FSIP2: variants seen among roughly 807,000 people sequenced by gnomAD.
FSIP2 encodes fibrous sheath interacting protein 2.
Under a neutral mutation model 510.5 loss-of-function variants are expected in FSIP2, and 367 were observed. The ratio of observed to expected loss-of-function variants is 0.72; its 90% CI spans 0.66 to 0.78. The LOEUF (loss-of-function observed/expected upper bound fraction) is 0.78, where lower values mean the gene tolerates loss of function less well. Ranked by LOEUF, FSIP2 falls within the 30% of genes least tolerant of loss-of-function variation. The probability of loss-of-function intolerance (pLI) is 0.00; values close to 1 mark genes in which losing one functional copy is unlikely to be tolerated. For missense variants in FSIP2, 7,594 were observed against 7,901.7 expected (o/e 0.96, Z 1.48); for synonymous variants, 2,601 against 2,732.2 (o/e 0.95, Z 1.50).
chr2:185,792,904 C>A lies in FSIP2; in HGVS notation c.5768C>A (p.Ala1923Glu), dbSNP rs1378270939. The change falls in exon 16 of 23, where the codon GCA becomes GAA. Residue 1923 changes from alanine to glutamate, a missense_variant. Physicochemically the swap from Ala to Glu is moderately radical, Grantham distance 107. Transcript: ENST00000424728. Reference protein sequence around the residue: ...KVNLAEDIVQAILTNLETFAT... With the variant: ...KVNLAEDIVQEILTNLETFAT... ...AATCTAGCTGAAGATATTGTACAGG[C>A]AATATTAACAAATTTAGAAACTTTT... 1.3e-6 allele frequency: 2 copies of A among 1,533,866 alleles called. No individual in the cohort carries two copies. The highest frequency in any genetic ancestry group is 1.7e-6 in the Non-Finnish European group (2 of 1,145,380).
rs1171692599 is a variant in FSIP2 at position 185,797,273 on chromosome 2, A to C, written c.10137A>C (p.Lys3379Asn). ...EVSGGQKDNE[K>N]SLLRMQDKKI... ...CTGGAGGGCAAAAGGATAACGAAAA[A>C]AGTTTGCTTAGAATGCAGGATAAAA... is the stretch of plus-strand genomic sequence containing the variant. The change falls in exon 16 of 23, where the codon AAA becomes AAC. Residue 3379 changes from lysine (K) to asparagine (N), a missense_variant. Physicochemically the swap from Lys to Asn is moderately conservative, Grantham distance 94. Coordinates refer to ENST00000424728, the MANE Select transcript of FSIP2 (RefSeq NM_173651.4). 1 of 1,534,334 alleles carries C rather than the reference A, an allele frequency of 6.5e-7. No homozygotes were observed. The highest frequency in any genetic ancestry group is 8.7e-7 in the Non-Finnish European group (1 of 1,146,084).
At chr2:185,744,824 G>A (rs933255883) in intron 4 of FSIP2, 9 of 152,750 alleles carry the variant, frequency 5.9e-5, no homozygotes, top group Non-Finnish European at 1.2e-4. Context: ...TACACTCTGT[G>A]TTTGTACTCA....
At chr2:185,756,129 C>T (rs565639916) in intron 8 of FSIP2, 63 bp from the exon 9 acceptor site, 2 of 599,666 alleles carry the variant, frequency 3.3e-6, no homozygotes, top group Admixed American at 6.3e-5. Context: ...GATAAGTAGT[C>T]TATCTTGGGT....
Position 185,800,508 on chromosome 2 carries a change from A to G in FSIP2, c.11202A>G (p.Gln3734=). The change falls in exon 17 of 23, where the codon CAA becomes CAG. Residue 3734 remains glutamine, a synonymous_variant. Coordinates refer to ENST00000424728, the MANE Select transcript of FSIP2 (RefSeq NM_173651.4). ...ATTTCTACTCCTCGAATAATGAGCA[A>G]CCTAATAGCATACTTACCAATAACC... The part of the protein sequence containing the change: ...RTYFYSSNNE[Q]PNSILTNNLQ... 2 of 1,533,014 alleles carry G rather than the reference A, an allele frequency of 1.3e-6. No individual in the cohort carries two copies. The highest frequency in any genetic ancestry group is 1.7e-6 in the Non-Finnish European group (2 of 1,145,326). The allele number at this position is 1,533,014 out of a possible 1,614,324, so 95.0% of individuals were successfully genotyped here. A position where few individuals can be genotyped will look rare whatever the true frequency, so the allele number is the denominator to read the frequency against.
rs1219459815 is a variant in FSIP2, at chr2:185,738,847, A to G, written c.-48A>G. On this transcript the variant is annotated 5_prime_UTR_variant, in exon 1 of 23. Transcript: ENST00000424728. ...ACAGAGGGACAACGGGGTGCTAGAG[A>G]AGGAGAGCGGGGCGGGTGAGGAAGG... is the stretch of plus-strand genomic sequence containing the variant. The G allele has an allele frequency of 6.5e-7, 1 of 1,534,156 alleles. No homozygotes were observed. The highest frequency in any genetic ancestry group is 2.5e-5 in the East Asian group (1 of 40,816).
At chr2:185,738,048 TAAAAG>T (rs756469615), upstream of FSIP2, 22 of 155,730 alleles carry the variant, frequency 1.4e-4, no homozygotes, top group Non-Finnish European at 3.0e-4. Flanking sequence ...GGGCCAGAAA[TAAAAG>T]AGAACAGCAG....
At chr2:185,785,531 A>G (rs533622231) in intron 14 of FSIP2, among the ~76,000 whole-genome samples, 1 of 152,060 alleles carries the variant, frequency 6.6e-6, no homozygotes, top group South Asian at 2.1e-4. Context: ...ATCAGCAAAA[A>G]TATACAAAAA....
At chr2:185,815,773 A>G (rs1693814609) in intron 19 of FSIP2, among the ~76,000 whole-genome samples, 1 of 152,028 alleles carries the variant, frequency 6.6e-6, no homozygotes, top group African/African-American at 2.4e-5. Flanking sequence ...GAGAGAGGTA[A>G]TGGCCCAGAA....
chr2:185,793,508 T>A lies in FSIP2; in HGVS notation c.6372T>A (p.Asp2124Glu). The change falls in exon 16 of 23, where the codon GAT becomes GAA. Residue 2124 changes from aspartate (D) to glutamate (E), a missense_variant. Transcript: ENST00000424728. ...ATPTLKCSIA[D>E]KHSEENSEMF... ...CCACTCTGAAATGTAGCATAGCTGA[T>A]AAACATTCAGAAGAAAATTCTGAAA... 3 of 1,534,446 alleles carry A rather than the reference T, an allele frequency of 2.0e-6. No individual in the cohort carries two copies. Among genetic ancestry groups the A allele is most frequent in the Non-Finnish European group, 2.6e-6 (3 of 1,145,672 alleles).
At chr2:185,831,931 C>A in intron 22 of FSIP2, 49 bp downstream of exon 22, 4 of 1,130,744 alleles carry the variant, frequency 3.5e-6, no homozygotes, top group Non-Finnish European at 5.4e-6. Flanking sequence ...CTGTCAATTG[C>A]ATCATTTTGA....
rs1213005393 is a variant in FSIP2 at position 185,800,882 on chromosome 2, T to C, written c.11576T>C (p.Ile3859Thr). Residue 3859 changes from isoleucine (I) to threonine (T), a missense_variant, in exon 17 of 23, where the codon ATA (isoleucine) becomes ACA (threonine). Transcript: ENST00000424728. ...KSLMDKLSHS[I>T]QQAPESLPFA... ...TTGATGGACAAATTATCTCACAGCA[T>C]ACAACAAGCTCCGGAAAGTCTACCT... 2 of 1,534,030 alleles carry C rather than the reference T, an allele frequency of 1.3e-6. No individual in the cohort carries two copies. The highest frequency in any genetic ancestry group is 2.4e-5 in the East Asian group (1 of 40,844).
Position 185,806,251 on chromosome 2 carries a change from A to AC in FSIP2, c.16945_16946insC (p.Ile5649ThrfsTer7). ...TACAACAGATACTTTGGAAATAAGA[A>AC]TTCGAACATCAAGCAATGAGGGGAG... On this transcript the variant is annotated frameshift_variant, in exon 17 of 23. Coordinates refer to ENST00000424728, the MANE Select transcript of FSIP2 (RefSeq NM_173651.4). LOFTEE classifies it high-confidence loss of function. 5.0e-6 allele frequency: 8 copies of AC among 1,610,200 alleles called. No homozygotes were observed. The highest frequency in any genetic ancestry group is 5.9e-6 in the Non-Finnish European group (7 of 1,177,964).
chr2:185,806,856 T>G lies in FSIP2; in HGVS notation c.17550T>G (p.Asp5850Glu). The change falls in exon 17 of 23, where the codon GAT becomes GAG. Residue 5850 changes from aspartate to glutamate, a missense_variant. Asp to Glu is a conservative substitution (Grantham distance 45). Coordinates refer to ENST00000424728, the MANE Select transcript of FSIP2 (RefSeq NM_173651.4). ...CTCAAATTAAGGTTTTCAGGCCAGA[T>G]AAGGGAAATCAGTTCCCTGGGGGTA... is the stretch of plus-strand genomic sequence containing the variant. ...SDAQIKVFRP[D>E]KGNQFPGGKV... The G allele has an allele frequency of 6.2e-7, 1 of 1,609,176 alleles. No individual in the cohort carries two copies. The highest frequency in any genetic ancestry group is 8.5e-7 in the Non-Finnish European group (1 of 1,178,080).
Position 185,800,930 on chromosome 2 carries a change from A to G in FSIP2, c.11624A>G (p.Tyr3875Cys). ...SLPFANKHLN[Y>C]RTREIQSSFI... is the part of the protein sequence containing the mutation. ...CCTTTTGCAAATAAGCATTTGAACT[A>G]CAGAACAAGAGAAATACAGTCTAGT... The change falls in exon 17 of 23, where the codon TAC becomes TGC. Residue 3875 changes from tyrosine (Y) to cysteine (C), a missense_variant. Transcript: ENST00000424728. 1 of 1,532,010 alleles carries G rather than the reference A, an allele frequency of 6.5e-7. No homozygotes were observed. The highest frequency in any genetic ancestry group is 8.7e-7 in the Non-Finnish European group (1 of 1,144,460). The allele number at this position is 1,532,010 out of a possible 1,614,324, so 94.9% of individuals were successfully genotyped here. A position where few individuals can be genotyped will look rare whatever the true frequency, so the allele number is the denominator to read the frequency against.
chr2:185,749,288 T>C (rs1291597113), intron 7 of FSIP2, among the ~76,000 whole-genome samples: 1 of 151,996 alleles, frequency 6.6e-6, no homozygotes, highest in Non-Finnish European at 1.5e-5. Context: ...GAACCACATA[T>C]GTCGCTCCAT....
chr2:185,776,929 G>A (rs1692737460), intron 13 of FSIP2, among the ~76,000 whole-genome samples: 1 of 152,036 alleles, frequency 6.6e-6, no homozygotes, highest in Non-Finnish European at 1.5e-5. Context: ...TCGCCATGTT[G>A]GTCAGGCTGG....
Position 185,808,059 on chromosome 2 carries a change from CAT to C in FSIP2, c.18755_18756del (p.Ile6252SerfsTer2). ...PVADNATIEN[I>X]VNSIYTSVLK... ...TAGCTGATAATGCAACTATTGAAAA[CAT>C]AGTTAATTCTATTTATACCAGTGTT... On this transcript the variant is annotated frameshift_variant, in exon 17 of 23. Coordinates refer to ENST00000424728, the MANE Select transcript of FSIP2 (RefSeq NM_173651.4). LOFTEE classifies it high-confidence loss of function. The C allele has an allele frequency of 6.2e-7, 1 of 1,610,250 alleles. No individual in the cohort carries two copies. Among genetic ancestry groups the C allele is most frequent in the Non-Finnish European group, 8.5e-7 (1 of 1,178,478 alleles).
chr2:185,791,786 A>C lies in FSIP2; in HGVS notation c.4650A>C (p.Lys1550Asn), dbSNP rs762822639. ...IVSRRVQEDN[K>N]EETKSKAKPV... ...CCAGAAGGGTTCAGGAGGACAATAA[A>C]GAAGAGACTAAAAGCAAGGCAAAAC... The change falls in exon 16 of 23, where the codon AAA becomes AAC. Residue 1550 changes from lysine (K) to asparagine (N), a missense_variant. Lys to Asn is a moderately conservative substitution (Grantham distance 94, BLOSUM62 0). Transcript: ENST00000424728. 6 of 1,534,484 alleles carry C rather than the reference A, an allele frequency of 3.9e-6. No individual in the cohort carries two copies. The highest frequency in any genetic ancestry group is 4.4e-6 in the Non-Finnish European group (5 of 1,145,668).
At position 185,802,845 on chromosome 2, in the gene FSIP2, T is replaced by C; in HGVS notation, c.13539T>C (p.Ile4513=). 2 of 1,511,988 alleles carry C rather than the reference T, an allele frequency of 1.3e-6. No homozygotes were observed. Among genetic ancestry groups the C allele is most frequent in the Middle Eastern group, 1.7e-4 (1 of 5,810 alleles). The allele number at this position is 1,511,988 out of a possible 1,614,324, so 93.7% of individuals were successfully genotyped here. ...NDIASNLVSD[I]RMKVSQHEIR... Reference sequence around the variant, plus strand: ...TTGCTTCAAACCTAGTTAGTGATATTAGGATGAAAGTTTCCCAACATGAAA... The same window carrying C: ...TTGCTTCAAACCTAGTTAGTGATATCAGGATGAAAGTTTCCCAACATGAAA... The change falls in exon 17 of 23, where the codon ATT becomes ATC. Residue 4513 remains isoleucine, a synonymous_variant. Transcript: ENST00000424728.
Sources: gnomAD v4.1 joint callset for allele counts (sites outside exome capture counted in the v4.1 genomes callset) on GRCh38, gnomAD v4.1.1 for gene constraint, MANE v1.5 for transcripts, NCBI Gene and HGNC (gene_info 2026-07-23, HGNC 2026-07-21) for gene names.